The following LRIG2 variants were observed in gnomAD, a reference collection of about 807,000 sequenced individuals.
LRIG2 encodes the protein leucine-rich repeats and immunoglobulin-like domains protein 2.
In LRIG2, 93 loss-of-function variants were observed where a neutral mutation model predicts 107.8. The observed-to-expected ratio is 0.86, with a 90% CI of 0.73 to 1.03. LRIG2 has a LOEUF of 1.03. LRIG2 is among the 50% of genes least tolerant of loss of function. LRIG2 has a pLI of 0.00. For missense variants in LRIG2, 1,226 were observed against 1,296.0 expected, an observed-to-expected ratio of 0.95 and a Z score of 0.83; for synonymous variants, 471 against 470.6, an observed-to-expected ratio of 1.00 and a Z score of -0.01.
chr1:113,130,453 CAG>C lies in LRIG2; in HGVS notation c.*6355_*6356del, dbSNP rs556422779. The C allele has an allele frequency of 1.3e-5, 2 of 152,138 alleles. No homozygotes were observed. The highest frequency in any genetic ancestry group is 1.5e-5 in the Non-Finnish European group (1 of 68,030). The allele number at this position is 152,138 out of a possible 1,614,324, so 9.4% of individuals were successfully genotyped here. A position where few individuals can be genotyped will look rare whatever the true frequency, so the allele number is the denominator to read the frequency against. On this transcript the variant is annotated 3_prime_UTR_variant, in exon 18 of 18. Transcript: ENST00000361127. ...AAAATAAGAATTCTATTCCAGAAGA[CAG>C]AGTTATACACAGGGAGGTGTATTAT...
In LRIG2 at chr1:113,116,271, AAT is replaced by A. The variant is rs770622633; in HGVS notation, c.2531-15_2531-14del. Reference sequence around the variant, plus strand: ...CAACTGCCTACCTTTGAGAGTTAAAAATGTCTCTTTTACAGAGGAGCTCAATC... The same window carrying A: ...CAACTGCCTACCTTTGAGAGTTAAAAGTCTCTTTTACAGAGGAGCTCAATC... On this transcript the variant is annotated splice_polypyrimidine_tract_variant and intron_variant, in intron 15 of 17. Transcript: ENST00000361127. The A allele has an allele frequency of 8.8e-6, 14 of 1,597,082 alleles. No homozygotes were observed. The South Asian group carries it at 1.6e-4, about 18-fold the overall frequency.
chr1:113,099,674 AAGTAG>A (rs1328622189), intron 9 of LRIG2, among the ~76,000 whole-genome samples: 1 of 152,170 alleles, frequency 6.6e-6, no homozygotes, highest in Non-Finnish European at 1.5e-5. Flanking sequence ...TGCATTGAGA[AAGTAG>A]AGTAATGTGT....
rs1215235926 is a variant in LRIG2, at chr1:113,120,536, G to T, written c.2971+1013G>T. Among the ~76,000 whole-genome samples the T allele has an allele frequency of 2.0e-5, 3 of 148,088 alleles. No individual in the cohort carries two copies. In the East Asian group the frequency reaches 5.9e-4, roughly 29 times the overall value. The stretch of plus-strand genomic sequence containing the variant: ...TTTTTTTTTTTTTTTGGGAAATGGA[G>T]GTTCGCTCTTGTTTCCCAAGCTGGA... On this transcript the variant is annotated intron_variant, in intron 17 of 17. Transcript: ENST00000361127.
At chr1:113,079,671 CA>C (rs568909236) in intron 1 of LRIG2, among the ~76,000 whole-genome samples, 272 of 73,312 alleles carry the variant, frequency 3.7e-3, no homozygotes, top group African/African-American at 8.0e-3. Context: ...GACTCCATCT[CA>C]AAAAAAAAAA....
chr1:113,107,378 C>T (rs922359788), intron 11 of LRIG2, among the ~76,000 whole-genome samples: 1 of 151,974 alleles, frequency 6.6e-6, no homozygotes, highest in African/African-American at 2.4e-5. Context: ...AAAACAGATC[C>T]CTGGCCACCC....
At chr1:113,114,392 T>G in intron 14 of LRIG2, 35 bp from the exon 15 acceptor site, 2 of 1,451,130 alleles carry the variant, frequency 1.4e-6, no homozygotes, top group Non-Finnish European at 1.9e-6. Flanking sequence ...TTGCCTAACT[T>G]TTCATTTTTT....
chr1:113,085,259 A>G (rs72683492), intron 1 of LRIG2, among the ~76,000 whole-genome samples: 4,412 of 150,590 alleles, frequency 0.029, 82 homozygotes, highest in Middle Eastern at 0.055. Flanking sequence ...GTGTAAATCA[A>G]CTTGTAACTA....
chr1:113,092,742 G>A (rs1653882949), intron 2 of LRIG2, among the ~76,000 whole-genome samples: 1 of 152,192 alleles, frequency 6.6e-6, no homozygotes, highest in African/African-American at 2.4e-5. Flanking sequence ...GGTAATCCCA[G>A]TACTTTGGGA....
At position 113,096,007 on chromosome 1, in the gene LRIG2, C is replaced by T. The variant is rs369516844; in HGVS notation, c.937C>T (p.Leu313=). 6.2e-7 allele frequency: 1 copy of T among 1,614,188 alleles called. No homozygotes were observed. The highest frequency in any genetic ancestry group is 8.5e-7 in the Non-Finnish European group (1 of 1,180,032). Residue 313 remains leucine (L), a synonymous_variant, in exon 7 of 18, where the codon CTA becomes TTA. Transcript: ENST00000361127. ...SPDAWEFCQR[L]SELDLSYNQL... ...TGATGCATGGGAGTTCTGCCAAAGA[C>T]TATCCGAACTGTAAGTGTTGGATAG...
At chr1:113,085,580 G>A (rs191626362) in intron 1 of LRIG2, among the ~76,000 whole-genome samples, 99 of 152,246 alleles carry the variant, frequency 6.5e-4, no homozygotes, top group Admixed American at 5.6e-3. Flanking sequence ...CACTGTGCGC[G>A]GTCTATCCTG....
intron 17 of LRIG2, among the ~76,000 whole-genome samples, chr1:113,123,403 T>C (rs1304651000): frequency 2.6e-5 from 4 of 152,132 alleles, no homozygotes; most frequent in African/African-American, 9.7e-5. Context: ...GTGAAACTCC[T>C]GTCTCTACTA....
At chr1:113,117,538 C>T (rs1392075161) in intron 16 of LRIG2, among the ~76,000 whole-genome samples, 2 of 152,200 alleles carry the variant, frequency 1.3e-5, no homozygotes, top group African/African-American at 4.8e-5. Flanking sequence ...GGCTGGAGTG[C>T]AGTGGCACGA....
At chr1:113,107,501 A>G (rs1407766298) in intron 11 of LRIG2, 93 bp from the exon 12 acceptor site, 2 of 1,177,360 alleles carry the variant, frequency 1.7e-6, no homozygotes, top group East Asian at 2.6e-5. Flanking sequence ...TTTGGCAAGA[A>G]TAATGGATAG....
rs768308639 is a variant in LRIG2 at position 113,116,284 on chromosome 1, C to T, written c.2531-3C>T. 6.2e-7 allele frequency: 1 copy of T among 1,609,886 alleles called. No homozygotes were observed. The highest frequency in any genetic ancestry group is 1.1e-5 in the South Asian group (1 of 90,414). ...TTGAGAGTTAAAAATGTCTCTTTTA[C>T]AGAGGAGCTCAATCTGCCTGCAGAC... is the stretch of plus-strand genomic sequence containing the variant. On this transcript the variant is annotated splice_polypyrimidine_tract_variant and splice_region_variant and intron_variant, in intron 15 of 17. Transcript: ENST00000361127.
chr1:113,078,420 G>A (rs1653093414), intron 1 of LRIG2, among the ~76,000 whole-genome samples: 4 of 151,696 alleles, frequency 2.6e-5, no homozygotes, highest in Admixed American at 2.6e-4. Flanking sequence ...TGTATTTTTA[G>A]TAGAGACGGG....
chr1:113,106,862 T>A (rs1654560916), intron 11 of LRIG2, among the ~76,000 whole-genome samples: 1 of 152,176 alleles, frequency 6.6e-6, no homozygotes, highest in African/African-American at 2.4e-5. Flanking sequence ...ATATGTTGTC[T>A]ACAACAAAGA....
At chr1:113,088,360 A>G (rs953684523) in intron 1 of LRIG2, among the ~76,000 whole-genome samples, 27 of 152,234 alleles carry the variant, frequency 1.8e-4, no homozygotes, top group Non-Finnish European at 2.9e-5. Flanking sequence ...AGGACACTGG[A>G]CAGTTTTCAC....
At chr1:113,084,040 ATAT>A (rs200107490) in intron 1 of LRIG2, among the ~76,000 whole-genome samples, 1 of 129,342 alleles carries the variant, frequency 7.7e-6, no homozygotes, top group Non-Finnish European at 1.7e-5. Context: ...AATAATAATA[ATAT>A]TGGCCTTATC....
intron 1 of LRIG2, among the ~76,000 whole-genome samples, chr1:113,077,812 T>A (rs530820877): frequency 1.4e-4 from 22 of 151,850 alleles, no homozygotes; most frequent in Non-Finnish European, 3.1e-4. Flanking sequence ...TGTATACATG[T>A]GCCATGTTGG....
Sources: allele counts gnomAD v4.1 joint callset (sites outside exome capture counted in the v4.1 genomes callset), GRCh38; gene constraint gnomAD v4.1.1; transcripts MANE v1.5; gene names NCBI Gene and HGNC (gene_info 2026-07-23, HGNC 2026-07-21).